Variants in TYW3 observed in about 807,000 individuals in gnomAD.
TYW3 encodes tRNA wybutosine-synthesizing protein 3 homolog.
TYW3 carries 26 observed loss-of-function variants against 23.1 expected under a neutral mutation model. That is an observed-to-expected ratio of 1.13 (90% CI 0.83 to 1.56). The LOEUF (loss-of-function observed/expected upper bound fraction) is 1.56. Ranked by LOEUF, TYW3 falls within the 40% of genes most tolerant of loss-of-function variation. The probability of loss-of-function intolerance (pLI) is 0.00; values close to 1 mark genes in which losing one functional copy is unlikely to be tolerated. For synonymous variants in TYW3, 102 were observed against 105.7 expected (o/e 0.97, Z 0.21); for missense variants, 316 against 311.9 (o/e 1.01, Z -0.10).
chr1:74,744,335 G>A (rs1015659689), intron 3 of TYW3, among the ~76,000 whole-genome samples: 6 of 152,126 alleles, frequency 3.9e-5, no homozygotes, highest in Admixed American at 1.3e-4. Context: ...GCCCTCAGGT[G>A]GCCATTTTTC....
chr1:74,745,011 G>C (rs1056369537), intron 3 of TYW3, among the ~76,000 whole-genome samples: 1 of 152,020 alleles, frequency 6.6e-6, no homozygotes, highest in African/African-American at 2.4e-5. Context: ...GTCCAGAGTT[G>C]TTTGTTCCTC....
rs1289841414 is a variant in TYW3, at chr1:74,763,899, A to G, written c.566A>G (p.Tyr189Cys). ...TAGTACTTATTTCTTCACAGGTTTT[A>G]CAACTGCCTACAGCATGCTTTGGAA... ...EENKKRIERF[Y>C]NCLQHALERE... is the part of the protein sequence containing the mutation. The change falls in exon 6 of 6, where the codon TAC becomes TGC. Residue 189 changes from tyrosine to cysteine, a missense_variant. Coordinates refer to ENST00000370867, the MANE Select transcript of TYW3 (RefSeq NM_138467.3). 4 of 1,591,406 alleles carry G rather than the reference A, an allele frequency of 2.5e-6. No individual in the cohort carries two copies. The Admixed American group carries it at 7.4e-5, about 29-fold the overall frequency.
intron 3 of TYW3, among the ~76,000 whole-genome samples, chr1:74,745,126 G>A (rs1274575413): frequency 1.3e-5 from 2 of 152,272 alleles, no homozygotes; most frequent in African/African-American, 2.4e-5. Flanking sequence ...GTTCCTCCCG[G>A]TGGGCGAGTG....
intron 2 of TYW3, 66 bp downstream of exon 2, chr1:74,736,688 A>G (rs1648167077): frequency 7.9e-7 from 1 of 1,270,494 alleles, no homozygotes; most frequent in Admixed American, 2.2e-5. Flanking sequence ...ACATATGACA[A>G]GAATAGAAAA....
chr1:74,741,072 C>T (rs1020832241), intron 3 of TYW3, among the ~76,000 whole-genome samples: 4 of 152,146 alleles, frequency 2.6e-5, no homozygotes, highest in African/African-American at 7.2e-5. Flanking sequence ...CCAGTGGGTC[C>T]GTCCAGGGGT....
Position 74,733,210 on chromosome 1 carries a change from G to A in TYW3, c.-35G>A. On this transcript the variant is annotated 5_prime_UTR_variant, in exon 1 of 6. The change abolishes an upstream ATG in the 5' untranslated region. Coordinates refer to ENST00000370867, the MANE Select transcript of TYW3 (RefSeq NM_138467.3). ...CCCCAGGGAGAGACGAGGCTACCAT[G>A]AAGGAGCCGAGCGCAGACCCTGAGT... 1 of 1,608,994 alleles carries A rather than the reference G, an allele frequency of 6.2e-7. No homozygotes were observed. Among genetic ancestry groups the A allele is most frequent in the Non-Finnish European group, 8.5e-7 (1 of 1,177,386 alleles).
At chr1:74,747,859 A>G (rs1372481604) in intron 3 of TYW3, among the ~76,000 whole-genome samples, 1 of 146,858 alleles carries the variant, frequency 6.8e-6, no homozygotes, top group Non-Finnish European at 1.5e-5. Flanking sequence ...ACACATATGT[A>G]TGTATACATA....
chr1:74,743,796 C>T (rs976550736), intron 3 of TYW3, among the ~76,000 whole-genome samples: 5 of 152,140 alleles, frequency 3.3e-5, no homozygotes, highest in South Asian at 4.1e-4. Context: ...TCCAAACTCT[C>T]GGGCTGCAGC....
intron 5 of TYW3, among the ~76,000 whole-genome samples, chr1:74,753,456 C>A (rs1456916023): frequency 6.6e-6 from 1 of 152,118 alleles, no homozygotes; most frequent in African/African-American, 2.4e-5. Flanking sequence ...GCATTGAAGG[C>A]CAACAAGTGC....
intron 1 of TYW3, among the ~76,000 whole-genome samples, chr1:74,733,907 CCA>C (rs1648023650): frequency 1.3e-5 from 2 of 152,106 alleles, no homozygotes; most frequent in African/African-American, 4.8e-5. Context: ...GTGAGCCCCT[CCA>C]TTATTACAAC....
chr1:74,736,276 T>C, intron 1 of TYW3: 2 of 261,914 alleles, frequency 7.6e-6, no homozygotes, highest in East Asian at 7.9e-5. Flanking sequence ...TACTAATCCC[T>C]TTTTTTCTTG....
intron 3 of TYW3, among the ~76,000 whole-genome samples, chr1:74,740,010 G>T (rs1648295926): frequency 6.6e-6 from 1 of 152,230 alleles, no homozygotes; most frequent in South Asian, 2.1e-4. Context: ...CCTTTATCCA[G>T]ATGGGGTGTG....
chr1:74,735,464 TTTTA>T (rs1648120173), intron 1 of TYW3, among the ~76,000 whole-genome samples: 1 of 152,234 alleles, frequency 6.6e-6, no homozygotes, highest in Non-Finnish European at 1.5e-5. Context: ...CTGGTTAGAC[TTTTA>T]TTTCTTATCT....
At chr1:74,745,003 C>T (rs1219530137) in intron 3 of TYW3, among the ~76,000 whole-genome samples, 1 of 151,144 alleles carries the variant, frequency 6.6e-6, no homozygotes, top group Non-Finnish European at 1.5e-5. Context: ...GGTGGCGCGT[C>T]CAGAGTTGTT....
At chr1:74,763,231 AATG>A (rs1649186003) in intron 5 of TYW3, among the ~76,000 whole-genome samples, 1 of 152,124 alleles carries the variant, frequency 6.6e-6, no homozygotes, top group Admixed American at 6.6e-5. Context: ...TTAACGATGT[AATG>A]ATATTTCTAG....
chr1:74,747,092 A>C (rs1178604511), intron 3 of TYW3, among the ~76,000 whole-genome samples: 1 of 152,216 alleles, frequency 6.6e-6, no homozygotes, highest in African/African-American at 2.4e-5. Context: ...GCTAGTCTGT[A>C]AGAATGGTTT....
intron 3 of TYW3, 119 bp from the exon 4 acceptor site, chr1:74,748,632 A>T (rs980212120): frequency 6.0e-6 from 6 of 1,000,478 alleles, no homozygotes; most frequent in Non-Finnish European, 9.0e-6. Context: ...CTAGACGAAA[A>T]ATTTTTTTAA....
intron 1 of TYW3, among the ~76,000 whole-genome samples, chr1:74,733,910 TTATTACA>T (rs1648024191): frequency 1.3e-5 from 2 of 152,188 alleles, no homozygotes; most frequent in African/African-American, 4.8e-5. Context: ...AGCCCCTCCA[TTATTACA>T]ACTCTAGTAG....
In TYW3 at chr1:74,733,316, C is replaced by T; in HGVS notation, c.72C>T (p.Gly24=). ...CLSKADLSRK[G]SVDEDVVELV... ...GCAAAGCGGACCTCAGCCGGAAGGG[C>T]AGTGTTGACGAGGATGTGGTAGAGC... Residue 24 remains glycine (G), a synonymous_variant, in exon 1 of 6, where the codon GGC becomes GGT. Transcript: ENST00000370867. 1 of 1,614,208 alleles carries T rather than the reference C, an allele frequency of 6.2e-7. No homozygotes were observed. Among genetic ancestry groups the T allele is most frequent in the Admixed American group, 1.7e-5 (1 of 60,016 alleles).
Sources: allele counts gnomAD v4.1 joint callset (sites outside exome capture counted in the v4.1 genomes callset), GRCh38; gene constraint gnomAD v4.1.1; transcripts MANE v1.5; gene names NCBI Gene and HGNC (gene_info 2026-07-23, HGNC 2026-07-21).